Variants in CAPN5 observed in about 807,000 individuals in gnomAD.
CAPN5 encodes calpain 5, also known as calpain-5.
A neutral mutation model predicts 73.0 loss-of-function variants in CAPN5; 54 were observed. The ratio of observed to expected loss-of-function variants is 0.74; its 90% CI spans 0.59 to 0.93. The LOEUF is 0.93. Among genes scored for constraint, CAPN5 ranks in the 40% least tolerant of loss-of-function variants. The probability of loss-of-function intolerance (pLI) is 0.00; values close to 1 mark genes in which losing one functional copy is unlikely to be tolerated. For missense variants in CAPN5, 785 were observed against 882.9 expected (o/e 0.89, Z 1.41); for synonymous variants, 335 against 356.9 (o/e 0.94, Z 0.69).
rs1345509216 is a variant in CAPN5 at position 77,124,183 on chromosome 11, C to T, written c.*313C>T. On this transcript the variant is annotated 3_prime_UTR_variant, in exon 13 of 13. Transcript: ENST00000648180. The stretch of plus-strand genomic sequence containing the variant: ...GGCCCTGCTGTCTGCCGAGGAGCGC[C>T]AAGAAGATGTCACTTGTTTACACAC... The T allele has an allele frequency of 3.0e-6, 1 of 328,854 alleles. No individual in the cohort carries two copies. Among genetic ancestry groups the T allele is most frequent in the African/African-American group, 2.1e-5 (1 of 47,850 alleles). 20.4% of individuals were successfully genotyped at this position (328,854 alleles called of 1,614,324 possible).
chr11:77,113,407 C>A (rs563767381), intron 4 of CAPN5, among the ~76,000 whole-genome samples: 1 of 152,300 alleles, frequency 6.6e-6, no homozygotes, highest in African/African-American at 2.4e-5. Context: ...TCGCGCAGGC[C>A]GTTGCAGGGC....
At chr11:77,102,799 C>G (rs1555039080) in intron 3 of CAPN5, 1 of 1,508,674 alleles carries the variant, frequency 6.6e-7, no homozygotes, top group Admixed American at 2.1e-5. Context: ...AGGCTCCAGC[C>G]CACTTGGGTC....
chr11:77,121,379 G>A (rs1950518986), intron 10 of CAPN5, among the ~76,000 whole-genome samples: 1 of 152,256 alleles, frequency 6.6e-6, no homozygotes. Flanking sequence ...CTCAGTCCTT[G>A]CTGGGGCATA....
chr11:77,098,221 A>AG lies in CAPN5; in HGVS notation c.297+4414dup. The stretch of plus-strand genomic sequence containing the variant: ...TCCCGGACGGGGCGGCTGGCCGGGC[A>AG]GGGGGGCTGACCCCCCCCACCTCCC... On this transcript the variant is annotated intron_variant, in intron 3 of 12. Coordinates refer to ENST00000648180, the MANE Select transcript of CAPN5 (RefSeq NM_004055.5). Among the ~76,000 whole-genome samples, 2 of 43,948 alleles carry AG rather than the reference A, an allele frequency of 4.6e-5. 1 individual carries two copies. Among genetic ancestry groups the AG allele is most frequent in the East Asian group, 1.7e-3 (2 of 1,172 alleles). 28.8% of individuals were successfully genotyped at this position (43,948 alleles called of 152,430 possible).
intron 3 of CAPN5, among the ~76,000 whole-genome samples, chr11:77,104,990 G>A (rs961739488): frequency 5.3e-5 from 8 of 151,992 alleles, no homozygotes; most frequent in Non-Finnish European, 8.8e-5. Context: ...GGCCCATTCC[G>A]GGACAGGCTT....
chr11:77,073,525 G>T (rs1555033475), intron 1 of CAPN5, among the ~76,000 whole-genome samples: 1 of 152,138 alleles, frequency 6.6e-6, no homozygotes, highest in Non-Finnish European at 1.5e-5. Flanking sequence ...CAGGCCTGCA[G>T]GCCAGCACAG....
intron 3 of CAPN5, among the ~76,000 whole-genome samples, chr11:77,098,908 G>A (rs1555038166): frequency 8.3e-6 from 1 of 120,568 alleles, no homozygotes; most frequent in Non-Finnish European, 1.7e-5. Context: ...TGGCTGCCGG[G>A]CGGAGAGGCT....
chr11:77,077,056 T>A (rs1453552024), intron 1 of CAPN5, among the ~76,000 whole-genome samples: 1 of 152,254 alleles, frequency 6.6e-6, no homozygotes, highest in African/African-American at 2.4e-5. Flanking sequence ...AAAAGACGTA[T>A]CTTTTGTAAA....
intron 3 of CAPN5, among the ~76,000 whole-genome samples, chr11:77,097,208 C>T (rs112977556): frequency 0.013 from 1,900 of 151,686 alleles, 26 homozygotes; most frequent in South Asian, 0.038. Flanking sequence ...GGCTACAGAG[C>T]GAGACTCCAT....
chr11:77,102,467 A>T (rs1950295656), intron 3 of CAPN5, among the ~76,000 whole-genome samples: 1 of 152,174 alleles, frequency 6.6e-6, no homozygotes, highest in Non-Finnish European at 1.5e-5. Context: ...CACCCTCCCC[A>T]TCAGTGCACT....
In CAPN5 at chr11:77,084,912, A is replaced by T. The variant is rs782306211; in HGVS notation, c.26A>T (p.Glu9Val). Residue 9 changes from glutamate (E) to valine (V), a missense_variant, in exon 2 of 13, where the codon GAG (glutamate) becomes GTG (valine). Transcript: ENST00000648180. MFSCVKPY[E>V]DQNYSALRRD... ...ATGTTCTCGTGTGTGAAGCCCTATGAGGACCAGAACTACTCAGCCCTGAGG... is the reference window on the plus strand; with the variant it reads ...ATGTTCTCGTGTGTGAAGCCCTATGTGGACCAGAACTACTCAGCCCTGAGG... 3 of 1,613,936 alleles carry T rather than the reference A, an allele frequency of 1.9e-6. No individual in the cohort carries two copies. The highest frequency in any genetic ancestry group is 2.5e-6 in the Non-Finnish European group (3 of 1,180,006).
intron 1 of CAPN5, among the ~76,000 whole-genome samples, chr11:77,073,545 G>A (rs782745036): frequency 1.3e-5 from 2 of 152,182 alleles, no homozygotes; most frequent in Non-Finnish European, 1.5e-5. Flanking sequence ...GCCCTCACAT[G>A]CTGTGCTGTG....
intron 1 of CAPN5, among the ~76,000 whole-genome samples, chr11:77,070,721 T>A (rs1949895680): frequency 6.6e-6 from 1 of 152,188 alleles, no homozygotes; most frequent in Non-Finnish European, 1.5e-5. Context: ...GTTCCGGAGA[T>A]GAGAAGTCCC....
rs569913750 is a variant in CAPN5 at position 77,067,345 on chromosome 11, T to A, written c.-36+251T>A. On this transcript the variant is annotated intron_variant, in intron 1 of 12. Coordinates refer to ENST00000648180, the MANE Select transcript of CAPN5 (RefSeq NM_004055.5). ...CCCGGCGAGGAGTCTTTTTTTCACC[T>A]CCCTCTGGGTGTCTCCGAGTCGTTT... Among the ~76,000 whole-genome samples, 192 of 112,836 alleles carry A rather than the reference T, an allele frequency of 1.7e-3. 1 individual carries two copies. The highest frequency in any genetic ancestry group is 5.2e-3 in the African/African-American group (170 of 32,790). 74.0% of individuals were successfully genotyped at this position (112,836 alleles called of 152,430 possible).
intron 1 of CAPN5, among the ~76,000 whole-genome samples, chr11:77,067,303 T>TCGTCCC (rs1297627949): frequency 1.6e-4 from 24 of 150,778 alleles, no homozygotes; most frequent in Non-Finnish European, 2.7e-4. Flanking sequence ...CCCCCTCGGC[T>TCGTCCC]CGTCCCCACC....
At chr11:77,094,998 G>A (rs1285113484) in intron 3 of CAPN5, among the ~76,000 whole-genome samples, 4 of 152,186 alleles carry the variant, frequency 2.6e-5, no homozygotes, top group Admixed American at 6.5e-5. Flanking sequence ...TCTGCAGAAC[G>A]GGGATGTGAC....
chr11:77,105,227 C>T lies in CAPN5; in HGVS notation c.298-7362C>T, dbSNP rs115321922. ...CTGGCCTCGGTGGTGTGCAGTGTCT[C>T]GCCATCAGCCCCCATCCCTTTCACA... On this transcript the variant is annotated intron_variant, in intron 3 of 12. Transcript: ENST00000648180. Among the ~76,000 whole-genome samples, 1,286 of 151,856 alleles carry T rather than the reference C, an allele frequency of 8.5e-3. 17 individuals carry two copies. Among genetic ancestry groups the T allele is most frequent in the African/African-American group, 0.03 (1,226 of 41,376 alleles).
At chr11:77,119,000 G>GTC (rs781787639) in intron 8 of CAPN5, 30 bp from the exon 9 acceptor site, 262 of 1,591,742 alleles carry the variant, frequency 1.6e-4, no homozygotes, top group Non-Finnish European at 2.1e-4. Context: ...TCATTGCAGT[G>GTC]TCTCTCTCTC....
At chr11:77,093,640 T>G in intron 2 of CAPN5, 42 bp from the exon 3 acceptor site, 2 of 1,528,382 alleles carry the variant, frequency 1.3e-6, no homozygotes, top group Non-Finnish European at 1.8e-6. Flanking sequence ...GGCATCCGCA[T>G]GCTCCTCCGC....
Sources: gnomAD v4.1 joint callset for allele counts (sites outside exome capture counted in the v4.1 genomes callset) on GRCh38, gnomAD v4.1.1 for gene constraint, MANE v1.5 for transcripts, NCBI Gene and HGNC (gene_info 2026-07-23, HGNC 2026-07-21) for gene names.